Variants in GFRA2 observed in about 807,000 individuals in gnomAD.
The protein encoded by GFRA2 is GDNF family receptor alpha-2.
Under a neutral mutation model 48.3 loss-of-function variants are expected in GFRA2, and 17 were observed. That is an observed-to-expected ratio of 0.35 (90% CI 0.24 to 0.53). The LOEUF (loss-of-function observed/expected upper bound fraction) is 0.53, where lower values mean the gene tolerates loss of function less well. GFRA2 is among the 20% of genes least tolerant of loss of function. GFRA2 has a pLI of 0.93. For synonymous variants in GFRA2, 305 were observed against 257.2 expected (o/e 1.19, Z -1.78); for missense variants, 660 against 637.3 (o/e 1.04, Z -0.38).
chr8:21,751,069 C>T (rs1385476856), intron 3 of GFRA2, 127 bp from the exon 4 acceptor site: 7 of 688,648 alleles, frequency 1.0e-5, no homozygotes, highest in Non-Finnish European at 1.2e-5. Flanking sequence ...GCCTCAGTTT[C>T]CCCCTTTGCG....
intron 2 of GFRA2, among the ~76,000 whole-genome samples, chr8:21,795,628 G>A (rs1807659229): frequency 6.6e-6 from 1 of 152,116 alleles, no homozygotes; most frequent in Non-Finnish European, 1.5e-5. Flanking sequence ...CTCAGCCTCA[G>A]GTGATCCACC....
intron 3 of GFRA2, among the ~76,000 whole-genome samples, chr8:21,754,457 A>G (rs1324340894): frequency 2.0e-5 from 3 of 152,038 alleles, no homozygotes; most frequent in Non-Finnish European, 4.4e-5. Flanking sequence ...AACGAAGACT[A>G]AGCCATTCAC....
chr8:21,771,631 C>T (rs1806443206), intron 3 of GFRA2, among the ~76,000 whole-genome samples: 1 of 152,152 alleles, frequency 6.6e-6, no homozygotes, highest in African/African-American at 2.4e-5. Flanking sequence ...AGAACCCCAA[C>T]AGAAAGAGAT....
chr8:21,778,570 T>C (rs1276022955), intron 2 of GFRA2, among the ~76,000 whole-genome samples: 1 of 152,216 alleles, frequency 6.6e-6, no homozygotes, highest in African/African-American at 2.4e-5. Flanking sequence ...GGTTGTTGAA[T>C]AAATGAATGA....
intron 4 of GFRA2, among the ~76,000 whole-genome samples, chr8:21,716,178 C>G (rs1163098257): frequency 6.6e-6 from 1 of 151,988 alleles, no homozygotes; most frequent in Non-Finnish European, 1.5e-5. Context: ...GAAAAATTAG[C>G]CAGGCATGCT....
intron 4 of GFRA2, among the ~76,000 whole-genome samples, chr8:21,727,919 C>T (rs1317778154): frequency 6.6e-6 from 1 of 151,104 alleles, no homozygotes; most frequent in African/African-American, 2.4e-5. Context: ...GTAGATGCAC[C>T]GTGCAGATGA....
intron 6 of GFRA2, among the ~76,000 whole-genome samples, chr8:21,704,077 C>T (rs1172032739): frequency 1.3e-5 from 2 of 152,252 alleles, no homozygotes; most frequent in Non-Finnish European, 2.9e-5. Flanking sequence ...ATAACTCTTG[C>T]CACTCTGGTC....
intron 4 of GFRA2, among the ~76,000 whole-genome samples, chr8:21,719,743 G>A (rs929328846): frequency 6.6e-6 from 1 of 152,168 alleles, no homozygotes; most frequent in Non-Finnish European, 1.5e-5. Flanking sequence ...GTGGTACGAG[G>A]ATGGATTTCT....
At position 21,758,281 on chromosome 8, in the gene GFRA2, G is replaced by T. The variant is rs190327741; in HGVS notation, c.440-7339C>A. Among the ~76,000 whole-genome samples the T allele has an allele frequency of 2.0e-5, 3 of 152,032 alleles. No homozygotes were observed. In the East Asian group the frequency reaches 5.8e-4, roughly 29 times the overall value. On this transcript the variant is annotated intron_variant, in intron 3 of 8. Coordinates refer to ENST00000524240, the MANE Select transcript of GFRA2 (RefSeq NM_001495.5). ...TGCCCTTCACAGACGGTGGTCTGTG[G>T]CCAGCTACTGTCACCTAGGCACGCC... is the stretch of plus-strand genomic sequence containing the variant.
chr8:21,805,658 G>A (rs1437497629), intron 1 of GFRA2, among the ~76,000 whole-genome samples: 4 of 152,038 alleles, frequency 2.6e-5, no homozygotes, highest in African/African-American at 9.7e-5. Flanking sequence ...AAGCAATTTG[G>A]CCCAAGCTTC....
At chr8:21,804,200 GCA>G (rs146613602) in intron 2 of GFRA2, among the ~76,000 whole-genome samples, 49,831 of 144,536 alleles carry the variant, frequency 0.34, 11,337 homozygotes, top group African/African-American at 0.65. Context: ...ATACATACAT[GCA>G]CACACACACA....
intron 4 of GFRA2, among the ~76,000 whole-genome samples, chr8:21,718,613 C>T (rs897875658): frequency 6.6e-6 from 1 of 152,196 alleles, no homozygotes; most frequent in African/African-American, 2.4e-5. Flanking sequence ...AAGGCAGGAG[C>T]TATGTCCCTT....
Position 21,756,139 on chromosome 8 carries a change from T to C in GFRA2, c.440-5197A>G, listed in dbSNP as rs575160145. Among the ~76,000 whole-genome samples the C allele has an allele frequency of 3.9e-5, 6 of 152,218 alleles. No homozygotes were observed. In the East Asian group the frequency reaches 1.2e-3, roughly 29 times the overall value. ...ATTTAGGGCTGCGGCTGCCCCCAGG[T>C]TCCCCAGGTGCTCCGTTCCCACTCC... On this transcript the variant is annotated intron_variant, in intron 3 of 8. Transcript: ENST00000524240.
At chr8:21,725,813 G>C (rs138941160) in intron 4 of GFRA2, among the ~76,000 whole-genome samples, 102 of 152,344 alleles carry the variant, frequency 6.7e-4, no homozygotes, top group African/African-American at 2.3e-3. Context: ...TCCTCTCAGA[G>C]GCATGCACAT....
rs1482493738 is a variant in GFRA2 at position 21,787,506 on chromosome 8, A to G, written c.40+614T>C. On this transcript the variant is annotated intron_variant, in intron 1 of 8. Coordinates refer to ENST00000524240, the MANE Select transcript of GFRA2 (RefSeq NM_001495.5). ...TCGGGGCTCGGTGGGGAGAAACTTG[A>G]AAAGTGTTCCGGGGAGTGGAGCCGC... Among the ~76,000 whole-genome samples, 5 of 152,128 alleles carry G rather than the reference A, an allele frequency of 3.3e-5. 1 individual carries two copies. In the South Asian group the frequency reaches 6.2e-4, roughly 19 times the overall value.
At chr8:21,712,581 C>T (rs1216865516) in intron 4 of GFRA2, among the ~76,000 whole-genome samples, 5 of 146,604 alleles carry the variant, frequency 3.4e-5, no homozygotes, top group African/African-American at 5.3e-5. Flanking sequence ...CAGGCAGAGA[C>T]GCTCCTCACT....
At chr8:21,695,229 G>T (rs1802101208) in intron 7 of GFRA2, among the ~76,000 whole-genome samples, 1 of 152,142 alleles carries the variant, frequency 6.6e-6, no homozygotes, top group African/African-American at 2.4e-5. Context: ...CTGGATGCAG[G>T]GCCAGAGGGC....
chr8:21,772,335 C>G (rs1806477127), intron 3 of GFRA2, among the ~76,000 whole-genome samples: 1 of 152,168 alleles, frequency 6.6e-6, no homozygotes, highest in Non-Finnish European at 1.5e-5. Context: ...CAGGGTCTCA[C>G]TCTTATCGAC....
intron 2 of GFRA2, among the ~76,000 whole-genome samples, chr8:21,775,776 C>T (rs1342636298): frequency 2.6e-5 from 4 of 152,180 alleles, no homozygotes; most frequent in East Asian, 1.9e-4. Context: ...CACCTGCAGG[C>T]TCCTTGGACC....
Sources: allele counts gnomAD v4.1 joint callset (sites outside exome capture counted in the v4.1 genomes callset), GRCh38; gene constraint gnomAD v4.1.1; transcripts MANE v1.5; gene names NCBI Gene and HGNC (gene_info 2026-07-23, HGNC 2026-07-21).